The following DCDC2C variants were observed in gnomAD, a reference collection of about 807,000 sequenced individuals.
DCDC2C encodes the protein doublecortin domain containing 2C, also known as doublecortin domain-containing protein 2C.
In DCDC2C, 44 loss-of-function variants were observed where a neutral mutation model predicts 45.0. The ratio of observed to expected loss-of-function variants is 0.98; its 90% CI spans 0.77 to 1.26. The LOEUF (loss-of-function observed/expected upper bound fraction) is 1.26. Ranked by LOEUF, DCDC2C falls within the 50% of genes most tolerant of loss-of-function variation. The pLI, the probability that DCDC2C is intolerant of heterozygous loss-of-function variation, is 0.00. For missense variants in DCDC2C, 447 were observed against 468.9 expected (o/e 0.95, Z 0.43); for synonymous variants, 187 against 178.8 (o/e 1.05, Z -0.37).
At chr2:3,780,235 G>A (rs1670472828) in intron 9 of DCDC2C, among the ~76,000 whole-genome samples, 1 of 152,116 alleles carries the variant, frequency 6.6e-6, no homozygotes, top group South Asian at 2.1e-4. Context: ...ACAAGCCACC[G>A]GCTTACCTGG....
intron 3 of DCDC2C, among the ~76,000 whole-genome samples, chr2:3,729,362 C>T (rs183096155): frequency 2.0e-5 from 3 of 152,096 alleles, no homozygotes; most frequent in Non-Finnish European, 4.4e-5. Flanking sequence ...AGACTGACGT[C>T]GAAGATAGAC....
chr2:3,815,155 C>A (rs963132460), intron 10 of DCDC2C, among the ~76,000 whole-genome samples: 2 of 152,318 alleles, frequency 1.3e-5, no homozygotes, highest in East Asian at 3.9e-4. Context: ...TACGCTAGGT[C>A]CCAGTGGCAT....
chr2:3,780,299 A>G (rs1304739902), intron 9 of DCDC2C, among the ~76,000 whole-genome samples: 3 of 152,142 alleles, frequency 2.0e-5, no homozygotes, highest in African/African-American at 7.2e-5. Flanking sequence ...CAACAGCGAT[A>G]TGATCCAGGC....
In DCDC2C at chr2:3,714,494, T is replaced by C. The variant is rs919434216; in HGVS notation, c.339+5894T>C. ...CAGATGAATCCCAATTCAATGTTTT[T>C]TCCCCCCATGAAGGATCTGTTTCAA... On this transcript the variant is annotated intron_variant, in intron 2 of 10. Coordinates refer to ENST00000399143, the MANE Select transcript of DCDC2C (RefSeq NM_001287444.2). Among the ~76,000 whole-genome samples, 5 of 152,152 alleles carry C rather than the reference T, an allele frequency of 3.3e-5. No individual in the cohort carries two copies. In the East Asian group the frequency reaches 5.8e-4, roughly 18 times the overall value.
At chr2:3,782,533 C>T (rs1670541621) in intron 9 of DCDC2C, among the ~76,000 whole-genome samples, 1 of 150,714 alleles carries the variant, frequency 6.6e-6, no homozygotes, top group African/African-American at 2.4e-5. Context: ...GGCTGGAGTG[C>T]AGTGGTGCTA....
intron 6 of DCDC2C, among the ~76,000 whole-genome samples, chr2:3,755,866 G>A (rs1332125257): frequency 1.3e-5 from 2 of 151,986 alleles, no homozygotes; most frequent in African/African-American, 4.8e-5. Context: ...GCATATGGAT[G>A]CATATGTGTG....
intron 10 of DCDC2C, among the ~76,000 whole-genome samples, chr2:3,846,369 C>G (rs1009790971): frequency 1.3e-5 from 2 of 152,092 alleles, no homozygotes; most frequent in African/African-American, 4.8e-5. Flanking sequence ...ATCCTCCCAC[C>G]TCAGCCTCCC....
In DCDC2C at chr2:3,754,723, C is replaced by A; in HGVS notation, c.726+89C>A. On this transcript the variant is annotated intron_variant, in intron 6 of 10. Coordinates refer to ENST00000399143, the MANE Select transcript of DCDC2C (RefSeq NM_001287444.2). ...AAGGGCACAGCGCAGGGTGACGGCC[C>A]GAGCTGTAAACAGAGCATCAGTGCC... is the stretch of plus-strand genomic sequence containing the variant. The A allele has an allele frequency of 4.2e-6, 5 of 1,193,144 alleles. No individual in the cohort carries two copies. The South Asian group carries it at 4.3e-5, about 10-fold the overall frequency. 73.9% of individuals were successfully genotyped at this position (1,193,144 alleles called of 1,614,324 possible). A position where few individuals can be genotyped will look rare whatever the true frequency, so the allele number is the denominator to read the frequency against.
chr2:3,737,129 C>T (rs980400157), intron 3 of DCDC2C, among the ~76,000 whole-genome samples: 4 of 152,118 alleles, frequency 2.6e-5, no homozygotes, highest in African/African-American at 9.7e-5. Flanking sequence ...GTGCCAGGCC[C>T]TGGGGAGACC....
At chr2:3,798,524 A>G (rs1399889629) in intron 10 of DCDC2C, among the ~76,000 whole-genome samples, 1 of 149,610 alleles carries the variant, frequency 6.7e-6, no homozygotes, top group African/African-American at 2.4e-5. Context: ...GTTCCTTTCC[A>G]TGTTTAGTGC....
At chr2:3,843,468 G>T (rs758893031) in intron 10 of DCDC2C, among the ~76,000 whole-genome samples, 1 of 152,194 alleles carries the variant, frequency 6.6e-6, no homozygotes, top group African/African-American at 2.4e-5. Flanking sequence ...CTTTTCAAGT[G>T]TTATTTCAAA....
intron 3 of DCDC2C, among the ~76,000 whole-genome samples, chr2:3,738,895 T>C (rs1669110109): frequency 6.6e-6 from 1 of 152,184 alleles, no homozygotes; most frequent in African/African-American, 2.4e-5. Context: ...GAAACTGTTT[T>C]TGGGTATTTT....
At chr2:3,817,133 G>A (rs1671576196) in intron 10 of DCDC2C, among the ~76,000 whole-genome samples, 1 of 152,142 alleles carries the variant, frequency 6.6e-6, no homozygotes. Context: ...TGCCGTGAGG[G>A]ATAGAAGTTG....
At chr2:3,720,807 G>T (rs968671749) in intron 2 of DCDC2C, among the ~76,000 whole-genome samples, 2 of 152,106 alleles carry the variant, frequency 1.3e-5, no homozygotes, top group African/African-American at 4.8e-5. Flanking sequence ...TTGGTGGAAA[G>T]GTATTTGGAA....
chr2:3,739,318 G>A (rs1316644242), intron 3 of DCDC2C, among the ~76,000 whole-genome samples: 4 of 152,168 alleles, frequency 2.6e-5, no homozygotes, highest in Non-Finnish European at 5.9e-5. Context: ...TGGCTAGGGC[G>A]CCACCCAATG....
chr2:3,720,912 G>A (rs1236729976), intron 2 of DCDC2C, among the ~76,000 whole-genome samples: 1 of 152,162 alleles, frequency 6.6e-6, no homozygotes, highest in African/African-American at 2.4e-5. Flanking sequence ...TGTGTGAAGA[G>A]TTTGAACTAC....
intron 4 of DCDC2C, among the ~76,000 whole-genome samples, chr2:3,742,261 A>T (rs960928804): frequency 1.5e-4 from 23 of 152,246 alleles, no homozygotes; most frequent in Non-Finnish European, 2.5e-4. Flanking sequence ...ACCATTGAGC[A>T]TCTACCATGT....
chr2:3,808,920 A>T (rs536079603), intron 10 of DCDC2C, among the ~76,000 whole-genome samples: 13 of 152,256 alleles, frequency 8.5e-5, no homozygotes, highest in African/African-American at 3.1e-4. Flanking sequence ...GTTAATTTTT[A>T]TAGGTAGTGC....
At chr2:3,724,156 C>T (rs1668571741) in intron 2 of DCDC2C, among the ~76,000 whole-genome samples, 1 of 152,192 alleles carries the variant, frequency 6.6e-6, no homozygotes, top group South Asian at 2.1e-4. Flanking sequence ...AGCTGCTGCT[C>T]AGAGAAGTGT....
Sources: gnomAD v4.1 joint callset for allele counts (sites outside exome capture counted in the v4.1 genomes callset) on GRCh38, gnomAD v4.1.1 for gene constraint, MANE v1.5 for transcripts, NCBI Gene and HGNC (gene_info 2026-07-23, HGNC 2026-07-21) for gene names.